CCM2: variants seen among roughly 807,000 people sequenced by gnomAD.
The protein encoded by CCM2 is cerebral cavernous malformations 2 protein.
In CCM2, 25 loss-of-function variants were observed where a neutral mutation model predicts 44.9. The ratio of observed to expected loss-of-function variants is 0.56; its 90% CI spans 0.41 to 0.78. The LOEUF (loss-of-function observed/expected upper bound fraction) is 0.78, where lower values mean the gene tolerates loss of function less well. Among genes scored for constraint, CCM2 ranks in the 30% least tolerant of loss-of-function variants. The pLI is 0.00. For synonymous variants in CCM2, 219 were observed against 241.1 expected (o/e 0.91, Z 0.85); for missense variants, 481 against 580.6 (o/e 0.83, Z 1.76).
intron 2 of CCM2, among the ~76,000 whole-genome samples, chr7:45,045,943 A>G (rs545293856): frequency 1.3e-5 from 2 of 152,378 alleles, no homozygotes; most frequent in Non-Finnish European, 2.9e-5. Context: ...TAAGATTTGT[A>G]TGCTGAAAAC....
chr7:45,033,638 G>T (rs1482606196), intron 1 of CCM2, among the ~76,000 whole-genome samples: 1 of 152,174 alleles, frequency 6.6e-6, no homozygotes. Flanking sequence ...TTTTCCTGTG[G>T]CTGATGTGAG....
At chr7:45,044,108 C>A (rs775363055) in intron 2 of CCM2, among the ~76,000 whole-genome samples, 1 of 152,018 alleles carries the variant, frequency 6.6e-6, no homozygotes, top group Non-Finnish European at 1.5e-5. Flanking sequence ...CCATTCCCTC[C>A]AGAATATCAG....
At chr7:45,059,379 T>C (rs1180380562) in intron 2 of CCM2, among the ~76,000 whole-genome samples, 2 of 151,152 alleles carry the variant, frequency 1.3e-5, no homozygotes, top group East Asian at 3.9e-4. Flanking sequence ...GCCTAGGAGT[T>C]TGAGACTAGC....
At chr7:45,043,725 A>G (rs1189126724) in intron 2 of CCM2, 1 of 401,496 alleles carries the variant, frequency 2.5e-6, no homozygotes, top group Non-Finnish European at 4.8e-6. Context: ...TTAATCACAT[A>G]TTGATATTTA....
intron 1 of CCM2, among the ~76,000 whole-genome samples, chr7:45,019,756 G>C (rs2128718199): frequency 6.6e-6 from 1 of 152,112 alleles, no homozygotes; most frequent in South Asian, 2.1e-4. Flanking sequence ...TTTTATTTTT[G>C]TAGAAATGGG....
At chr7:45,042,558 T>C (rs542156346) in intron 2 of CCM2, among the ~76,000 whole-genome samples, 1 of 152,070 alleles carries the variant, frequency 6.6e-6, no homozygotes, top group Admixed American at 6.6e-5. Context: ...ACTTTACTCA[T>C]AGGGGAAAAC....
At chr7:45,007,837 C>G (rs565603302) in intron 1 of CCM2, among the ~76,000 whole-genome samples, 2 of 151,942 alleles carry the variant, frequency 1.3e-5, no homozygotes, top group Non-Finnish European at 2.9e-5. Flanking sequence ...GGGAGATAAC[C>G]ATTTCACATG....
At chr7:45,046,639 T>C (rs11765574) in intron 2 of CCM2, among the ~76,000 whole-genome samples, 8,681 of 152,242 alleles carry the variant, frequency 0.057, 318 homozygotes, top group African/African-American at 0.092. Context: ...ATACAACTTC[T>C]AGGATAAAAC....
rs1298506257 is a variant in CCM2, at chr7:45,008,321, C to G, written c.30+7958C>G. ...CCGAAGTCCTGACCAATGTGTGCCT[C>G]TGTGTGCCACCGTGCCTGGCCAAGG... On this transcript the variant is annotated intron_variant, in intron 1 of 9. Coordinates refer to ENST00000258781, the MANE Select transcript of CCM2 (RefSeq NM_031443.4). 2.7e-5 allele frequency among the ~76,000 whole-genome samples: 4 copies of G among 149,062 alleles called. No individual in the cohort carries two copies. The Admixed American group carries it at 2.7e-4, about 10-fold the overall frequency.
At chr7:45,070,491 C>T (rs765380557) in intron 6 of CCM2, 2 of 456,106 alleles carry the variant, frequency 4.4e-6, no homozygotes, top group South Asian at 3.1e-5. Flanking sequence ...TACCCCAGAG[C>T]TGTCTCTTCC....
chr7:45,067,197 C>CT (rs539848444), intron 4 of CCM2, among the ~76,000 whole-genome samples: 19,369 of 141,184 alleles, frequency 0.14, 1,552 homozygotes, highest in Middle Eastern at 0.22. Flanking sequence ...CTGTGCCCGC[C>CT]TTTTTTTTTT....
chr7:45,063,582 C>G (rs567305061), intron 2 of CCM2, among the ~76,000 whole-genome samples: 1 of 152,268 alleles, frequency 6.6e-6, no homozygotes, highest in South Asian at 2.1e-4. Flanking sequence ...CCAGCAGTGA[C>G]GAGAAAACCC....
At chr7:45,042,968 C>T (rs375187459) in intron 2 of CCM2, among the ~76,000 whole-genome samples, 2 of 134,630 alleles carry the variant, frequency 1.5e-5, no homozygotes, top group African/African-American at 5.7e-5. Context: ...TCTTCTTCTT[C>T]TTTTTTTTTT....
intron 2 of CCM2, 44 bp from the exon 3 acceptor site, chr7:45,063,874 C>G (rs761646429): frequency 7.5e-7 from 1 of 1,328,616 alleles, no homozygotes; most frequent in Non-Finnish European, 1.1e-6. Flanking sequence ...GGTGTTGGCT[C>G]AGCTCCCATT....
chr7:45,050,979 C>G (rs1797975319), intron 2 of CCM2, among the ~76,000 whole-genome samples: 1 of 152,148 alleles, frequency 6.6e-6, no homozygotes, highest in Non-Finnish European at 1.5e-5. Context: ...TGATCATGCT[C>G]TAAAGCCTAG....
chr7:45,070,516 A>T, intron 6 of CCM2: 3 of 452,124 alleles, frequency 6.6e-6, no homozygotes, highest in Non-Finnish European at 1.3e-5. Flanking sequence ...TGGCCCACAC[A>T]GCATTTTCAG....
intron 1 of CCM2, among the ~76,000 whole-genome samples, chr7:45,023,505 G>A (rs576897079): frequency 1.3e-5 from 2 of 152,152 alleles, no homozygotes; most frequent in South Asian, 4.1e-4. Context: ...AGCTGAGATC[G>A]TGCCACTGGA....
At chr7:45,049,864 TAAA>T (rs1382833634) in intron 2 of CCM2, among the ~76,000 whole-genome samples, 2 of 151,842 alleles carry the variant, frequency 1.3e-5, no homozygotes, top group East Asian at 3.9e-4. Context: ...AAAAGAACAA[TAAA>T]AAAACCACTA....
At chr7:45,046,602 A>G (rs1441900221) in intron 2 of CCM2, among the ~76,000 whole-genome samples, 1 of 152,244 alleles carries the variant, frequency 6.6e-6, no homozygotes, top group African/African-American at 2.4e-5. Flanking sequence ...AAATTAACTC[A>G]AAATGGATCA....
Sources: gnomAD v4.1 joint callset for allele counts (sites outside exome capture counted in the v4.1 genomes callset) on GRCh38, gnomAD v4.1.1 for gene constraint, MANE v1.5 for transcripts, NCBI Gene and HGNC (gene_info 2026-07-23, HGNC 2026-07-21) for gene names.